VPS13B: variants seen among roughly 807,000 people sequenced by gnomAD.
VPS13B encodes vacuolar protein sorting 13 homolog B.
A neutral mutation model predicts 426.4 loss-of-function variants in VPS13B; 285 were observed. The observed-to-expected ratio is 0.67, with a 90% CI of 0.61 to 0.74. The LOEUF (loss-of-function observed/expected upper bound fraction) is 0.74. Ranked by LOEUF, VPS13B falls within the 30% of genes least tolerant of loss-of-function variation. VPS13B has a pLI of 0.00. For missense variants in VPS13B, 4,537 were observed against 4,782.6 expected, an observed-to-expected ratio of 0.95 and a Z score of 1.51; for synonymous variants, 1,676 against 1,676.4, an observed-to-expected ratio of 1.00 and a Z score of 0.01.
intron 35 of VPS13B, among the ~76,000 whole-genome samples, chr8:99,663,155 T>C (rs1830309076): frequency 1.3e-5 from 2 of 152,210 alleles, no homozygotes; most frequent in East Asian, 1.9e-4. Context: ...GAAAAATATT[T>C]ATATATAGAC....
chr8:99,171,621 A>T (rs764045960), intron 16 of VPS13B, among the ~76,000 whole-genome samples: 1 of 152,078 alleles, frequency 6.6e-6, no homozygotes, highest in Non-Finnish European at 1.5e-5. Context: ...TAGAAATAAT[A>T]TTCCAATTAA....
At chr8:99,412,385 G>T (rs1270882065) in intron 21 of VPS13B, among the ~76,000 whole-genome samples, 1 of 152,114 alleles carries the variant, frequency 6.6e-6, no homozygotes, top group Non-Finnish European at 1.5e-5. Context: ...TGTTATTGGT[G>T]TATAGGAATG....
chr8:99,604,794 G>A (rs1157586645), intron 33 of VPS13B, among the ~76,000 whole-genome samples: 1 of 152,050 alleles, frequency 6.6e-6, no homozygotes. Flanking sequence ...GAGCTTGACG[G>A]TTTTTAGCAG....
intron 21 of VPS13B, among the ~76,000 whole-genome samples, chr8:99,393,638 G>A (rs2133317626): frequency 6.6e-6 from 1 of 152,050 alleles, no homozygotes; most frequent in South Asian, 2.1e-4. Flanking sequence ...AAATTAATAG[G>A]CATCCAACTA....
chr8:99,616,216 G>A (rs1345390750), intron 33 of VPS13B, among the ~76,000 whole-genome samples: 1 of 152,126 alleles, frequency 6.6e-6, no homozygotes, highest in Non-Finnish European at 1.5e-5. Flanking sequence ...TTGAGATGCT[G>A]AGGTCCAGTC....
chr8:99,773,454 C>A (rs1811609149), intron 40 of VPS13B, among the ~76,000 whole-genome samples: 1 of 152,120 alleles, frequency 6.6e-6, no homozygotes, highest in Non-Finnish European at 1.5e-5. Flanking sequence ...CCCACAGTGC[C>A]ATTAAGATAG....
intron 35 of VPS13B, among the ~76,000 whole-genome samples, chr8:99,681,356 G>T (rs1363739234): frequency 6.6e-6 from 1 of 152,134 alleles, no homozygotes; most frequent in Admixed American, 6.6e-5. Flanking sequence ...TAGCCACTCT[G>T]TTCACACATT....
rs145954512 is a variant in VPS13B, at chr8:99,581,911, G to A, written c.5220+4278G>A. On this transcript the variant is annotated intron_variant, in intron 33 of 61. Coordinates refer to ENST00000357162, the MANE Select transcript of VPS13B (RefSeq NM_152564.5). ...ATCCCATTCTATATTTCATGTTTCCGTGACATCTGGCTCTAGAGGACTAGT... is the reference window on the plus strand; with the variant it reads ...ATCCCATTCTATATTTCATGTTTCCATGACATCTGGCTCTAGAGGACTAGT... Among the ~76,000 whole-genome samples, 1,032 of 152,156 alleles carry A rather than the reference G, an allele frequency of 6.8e-3. 9 individuals are homozygous for A. The highest frequency in any genetic ancestry group is 0.023 in the African/African-American group (960 of 41,502).
chr8:99,666,099 T>C (rs1334200707), intron 35 of VPS13B, among the ~76,000 whole-genome samples: 2 of 152,240 alleles, frequency 1.3e-5, no homozygotes, highest in Non-Finnish European at 2.9e-5. Context: ...GGGAGTTCAC[T>C]CATGATTTGG....
chr8:99,100,647 C>A (rs1223440966), intron 4 of VPS13B, among the ~76,000 whole-genome samples: 2 of 152,044 alleles, frequency 1.3e-5, no homozygotes, highest in Non-Finnish European at 2.9e-5. Context: ...AGTTAAAATA[C>A]ATATTGTGTT....
chr8:99,830,300 G>T (rs1230261990), intron 51 of VPS13B, among the ~76,000 whole-genome samples: 2 of 152,220 alleles, frequency 1.3e-5, no homozygotes, highest in Non-Finnish European at 2.9e-5. Flanking sequence ...GCCCTGCTCA[G>T]AGAGGAGGAA....
intron 49 of VPS13B, 71 bp from the exon 50 acceptor site, chr8:99,821,223 A>AG: frequency 6.6e-7 from 1 of 1,517,840 alleles, no homozygotes. Flanking sequence ...TAAAAAAAAA[A>AG]TCCTGAGGAT....
intron 56 of VPS13B, among the ~76,000 whole-genome samples, chr8:99,857,302 C>T (rs1816598256): frequency 6.6e-6 from 1 of 152,222 alleles, no homozygotes; most frequent in Non-Finnish European, 1.5e-5. Flanking sequence ...CCTGAACAGG[C>T]CTGTCGTGGG....
chr8:99,654,294 C>T (rs1364832863), intron 34 of VPS13B, among the ~76,000 whole-genome samples: 4 of 151,238 alleles, frequency 2.6e-5, no homozygotes, highest in African/African-American at 9.7e-5. Flanking sequence ...GTGATCCGCC[C>T]GCCTCGGCCT....
chr8:99,549,652 C>T (rs1355393004), intron 30 of VPS13B, among the ~76,000 whole-genome samples: 1 of 152,074 alleles, frequency 6.6e-6, no homozygotes, highest in East Asian at 1.9e-4. Context: ...TGGGCTGCAC[C>T]TCTTCCTCAA....
chr8:99,318,261 C>G (rs1440887868), intron 19 of VPS13B, among the ~76,000 whole-genome samples: 1 of 152,072 alleles, frequency 6.6e-6, no homozygotes, highest in East Asian at 1.9e-4. Context: ...TATTGAATAA[C>G]AATGCTGTGC....
chr8:99,459,071 T>C (rs1563741614), intron 23 of VPS13B, among the ~76,000 whole-genome samples: 1 of 152,230 alleles, frequency 6.6e-6, no homozygotes, highest in Non-Finnish European at 1.5e-5. Context: ...TTTAAGTCCA[T>C]TGTGGTCAGA....
intron 2 of VPS13B, among the ~76,000 whole-genome samples, chr8:99,034,634 C>G (rs1346308009): frequency 1.3e-5 from 2 of 152,086 alleles, no homozygotes; most frequent in Admixed American, 1.3e-4. Flanking sequence ...TGGCAAGACC[C>G]TGTTGGGCTA....
chr8:99,598,504 C>T (rs1827126654), intron 33 of VPS13B, among the ~76,000 whole-genome samples: 1 of 151,966 alleles, frequency 6.6e-6, no homozygotes, highest in Non-Finnish European at 1.5e-5. Context: ...ATTAAGTCTA[C>T]TTACAGAGGT....
Sources: allele counts gnomAD v4.1 joint callset (sites outside exome capture counted in the v4.1 genomes callset), GRCh38; gene constraint gnomAD v4.1.1; transcripts MANE v1.5; gene names NCBI Gene and HGNC (gene_info 2026-07-23, HGNC 2026-07-21).